The following DRAM1 variants were observed in gnomAD, a reference collection of about 807,000 sequenced individuals.
DRAM1 encodes the protein DNA damage regulated autophagy modulator 1.
DRAM1 carries 25 observed loss-of-function variants against 28.5 expected under a neutral mutation model. That is an observed-to-expected ratio of 0.88 (90% CI 0.64 to 1.23). The LOEUF (loss-of-function observed/expected upper bound fraction) is 1.23, where lower values mean the gene tolerates loss of function less well. Among genes scored for constraint, DRAM1 ranks in the 50% most tolerant of loss-of-function variants. DRAM1 has a pLI of 0.00. For synonymous variants in DRAM1, 113 were observed against 114.2 expected, an observed-to-expected ratio of 0.99 and a Z score of 0.07; for missense variants, 249 against 299.2, an observed-to-expected ratio of 0.83 and a Z score of 1.24.
At chr12:101,899,887 G>C (rs916374711) in intron 2 of DRAM1, among the ~76,000 whole-genome samples, 4 of 152,038 alleles carry the variant, frequency 2.6e-5, no homozygotes, top group African/African-American at 7.2e-5. Flanking sequence ...GCTATTTCTG[G>C]TATTTTGTAA....
intron 4 of DRAM1, among the ~76,000 whole-genome samples, chr12:101,912,493 G>C (rs1056585133): frequency 1.1e-4 from 17 of 152,160 alleles, no homozygotes; most frequent in African/African-American, 4.1e-4. Context: ...GACCAGAATG[G>C]TACCTGGTGC....
chr12:101,879,272 A>G (rs1280402231), intron 1 of DRAM1, among the ~76,000 whole-genome samples: 1 of 152,210 alleles, frequency 6.6e-6, no homozygotes, highest in African/African-American at 2.4e-5. Context: ...TGCTAGGATT[A>G]CAGGTGTGAG....
chr12:101,903,926 TACACACACACACACAC>T lies in DRAM1; in HGVS notation c.342+2514_342+2529del, dbSNP rs775764624. On this transcript the variant is annotated intron_variant, in intron 3 of 6. Transcript: ENST00000258534. ...GTGCCTCTGGAAACACACACACACA[TACACACACACACACAC>T]ACACACACACACACACACACCCCTA... Among the ~76,000 whole-genome samples, 27 of 136,016 alleles carry T rather than the reference TACACACACACACACAC, an allele frequency of 2.0e-4. 1 individual carries two copies. Among genetic ancestry groups the T allele is most frequent in the Admixed American group, 5.0e-4 (7 of 13,962 alleles). 89.2% of individuals were successfully genotyped at this position (136,016 alleles called of 152,430 possible). A position where few individuals can be genotyped will look rare whatever the true frequency, so the allele number is the denominator to read the frequency against.
intron 3 of DRAM1, among the ~76,000 whole-genome samples, chr12:101,904,269 G>A (rs1873711843): frequency 6.6e-6 from 1 of 151,604 alleles, no homozygotes; most frequent in Admixed American, 6.6e-5. Context: ...TGAGAGGTGT[G>A]AGCCATCGTG....
intron 1 of DRAM1, among the ~76,000 whole-genome samples, chr12:101,897,194 G>A (rs958662909): frequency 5.3e-5 from 7 of 131,020 alleles, no homozygotes; most frequent in African/African-American, 2.3e-4. Flanking sequence ...ATTTTCAAAC[G>A]CGATTTATTT....
chr12:101,897,282 C>T (rs1386445286), intron 1 of DRAM1, among the ~76,000 whole-genome samples: 3 of 151,964 alleles, frequency 2.0e-5, no homozygotes, highest in Non-Finnish European at 4.4e-5. Flanking sequence ...TCACCATAAC[C>T]TCCGCCTCCC....
chr12:101,912,131 G>A (rs1212824808), intron 4 of DRAM1, among the ~76,000 whole-genome samples: 3 of 152,116 alleles, frequency 2.0e-5, no homozygotes, highest in African/African-American at 2.4e-5. Flanking sequence ...CCCAGGAGGT[G>A]GAGGTTGCAG....
In DRAM1 at chr12:101,921,215, G is replaced by A; in HGVS notation, c.673-1G>A. ...CCTTTCTCTTTCATTTTTAAAAATA[G>A]AGTGTCACCCTAAGGATATCCACAG... On this transcript the variant is annotated splice_acceptor_variant, in intron 6 of 6. Transcript: ENST00000258534. LOFTEE classifies it high-confidence loss of function. 6.3e-7 allele frequency: 1 copy of A among 1,595,440 alleles called. No individual in the cohort carries two copies. The highest frequency in any genetic ancestry group is 8.6e-7 in the Non-Finnish European group (1 of 1,163,128).
intron 3 of DRAM1, 134 bp downstream of exon 3, chr12:101,901,567 G>T: frequency 8.9e-7 from 1 of 1,128,140 alleles, no homozygotes; most frequent in Non-Finnish European, 1.2e-6. Context: ...AAGTGGGTTA[G>T]TTTGCTTTTT....
chr12:101,920,731 G>A (rs1874451507), intron 6 of DRAM1, among the ~76,000 whole-genome samples: 1 of 152,122 alleles, frequency 6.6e-6, no homozygotes, highest in Non-Finnish European at 1.5e-5. Context: ...GACCAACATG[G>A]AGAAACCCCG....
At chr12:101,896,971 G>C (rs1294943597) in intron 1 of DRAM1, among the ~76,000 whole-genome samples, 1 of 151,930 alleles carries the variant, frequency 6.6e-6, no homozygotes, top group African/African-American at 2.4e-5. Context: ...ATTTTTAGTA[G>C]AGATGAGGCT....
At chr12:101,915,573 G>A (rs983627333) in intron 5 of DRAM1, among the ~76,000 whole-genome samples, 7 of 148,586 alleles carry the variant, frequency 4.7e-5, no homozygotes, top group Middle Eastern at 3.5e-3. Context: ...ACGGAGTTTC[G>A]CCCTTGTTGC....
Position 101,877,755 on chromosome 12 carries a change from G to A in DRAM1, c.-35G>A. Reference sequence around the variant, plus strand: ...GAGCAACCCGGCGCCCGGCCCCGCTGGGCGCAGCACTCCGTCGGCGGCGGC... The same window carrying A: ...GAGCAACCCGGCGCCCGGCCCCGCTAGGCGCAGCACTCCGTCGGCGGCGGC... On this transcript the variant is annotated 5_prime_UTR_variant, in exon 1 of 7. Coordinates refer to ENST00000258534, the MANE Select transcript of DRAM1 (RefSeq NM_018370.3). The surrounding 1 kb of genome is among the most constrained non-coding windows in gnomAD (Gnocchi z 4.1). 1 of 1,430,478 alleles carries A rather than the reference G, an allele frequency of 7.0e-7. No individual in the cohort carries two copies. Among genetic ancestry groups the A allele is most frequent in the African/African-American group, 1.5e-5 (1 of 67,602 alleles). The allele number at this position is 1,430,478 out of a possible 1,614,324, so 88.6% of individuals were successfully genotyped here.
intron 4 of DRAM1, among the ~76,000 whole-genome samples, chr12:101,909,373 T>C (rs1325624078): frequency 1.3e-5 from 2 of 152,128 alleles, no homozygotes; most frequent in African/African-American, 2.4e-5. Context: ...GTAGGAACAC[T>C]TTAGTCTCTG....
At chr12:101,880,367 A>C (rs899131589) in intron 1 of DRAM1, among the ~76,000 whole-genome samples, 1 of 139,912 alleles carries the variant, frequency 7.1e-6, no homozygotes, top group African/African-American at 2.7e-5. Context: ...GGCTCAGTGC[A>C]ACCTCCACCT....
intron 1 of DRAM1, among the ~76,000 whole-genome samples, chr12:101,883,985 G>A (rs985503122): frequency 6.7e-6 from 1 of 150,056 alleles, no homozygotes; most frequent in African/African-American, 2.4e-5. Context: ...ACCAACCACC[G>A]TGAGATATAA....
intron 5 of DRAM1, among the ~76,000 whole-genome samples, chr12:101,918,259 A>G (rs1874332772): frequency 6.6e-6 from 1 of 152,216 alleles, no homozygotes; most frequent in Non-Finnish European, 1.5e-5. Context: ...CTCATTTCAC[A>G]TAGCAAGGAT....
Position 101,902,357 on chromosome 12 carries a change from A to G in DRAM1, c.342+924A>G, listed in dbSNP as rs569887114. Among the ~76,000 whole-genome samples the G allele has an allele frequency of 5.1e-3, 780 of 152,354 alleles. 7 individuals carry two copies. Among genetic ancestry groups the G allele is most frequent in the Middle Eastern group, 6.8e-3 (2 of 294 alleles). On this transcript the variant is annotated intron_variant, in intron 3 of 6. Transcript: ENST00000258534. The stretch of plus-strand genomic sequence containing the variant: ...TAAGATCAGTTGAATAATGCATGGC[A>G]GAGGCGAGCTTTGAATTGAAGTCAT...
In DRAM1 at chr12:101,880,278, C is replaced by CTTTTTTT. The variant is rs61082909; in HGVS notation, c.131+2379_131+2385dup. Among the ~76,000 whole-genome samples the CTTTTTTT allele has an allele frequency of 2.8e-3, 199 of 70,100 alleles. 4 individuals carry two copies. The highest frequency in any genetic ancestry group is 4.3e-3 in the Non-Finnish European group (174 of 40,788). The allele number at this position is 70,100 out of a possible 152,430, so 46.0% of individuals were successfully genotyped here. ...ATCTTGCTGTGTCCTGCAATGCTTC[C>CTTTTTTT]TTTTTTTTTTTTTTTTTTTTTTTTT... On this transcript the variant is annotated intron_variant, in intron 1 of 6. Transcript: ENST00000258534.
Sources: gnomAD v4.1 joint callset for allele counts (sites outside exome capture counted in the v4.1 genomes callset) on GRCh38, gnomAD v4.1.1 for gene constraint, Gnocchi (gnomAD v3.1) non-coding constraint, MANE v1.5 for transcripts, NCBI Gene and HGNC (gene_info 2026-07-23, HGNC 2026-07-21) for gene names.